Variants in TGFBR1 observed in about 807,000 individuals in gnomAD.
The protein encoded by TGFBR1 is transforming growth factor beta receptor 1.
TGFBR1 carries 20 observed loss-of-function variants against 55.1 expected under a neutral mutation model. The observed-to-expected ratio is 0.36, with a 90% CI of 0.26 to 0.53. TGFBR1 has a LOEUF of 0.53. Ranked by LOEUF, TGFBR1 falls within the 20% of genes least tolerant of loss-of-function variation. The probability of loss-of-function intolerance (pLI) is 0.91; values close to 1 mark genes in which losing one functional copy is unlikely to be tolerated. For missense variants in TGFBR1, 385 were observed against 617.6 expected, an observed-to-expected ratio of 0.62 and a Z score of 3.99; for synonymous variants, 220 against 214.8, an observed-to-expected ratio of 1.02 and a Z score of -0.21.
chr9:99,116,920 A>G (rs887561511), intron 1 of TGFBR1, among the ~76,000 whole-genome samples: 7 of 152,254 alleles, frequency 4.6e-5, no homozygotes, highest in African/African-American at 9.6e-5. Context: ...AGGGAGTCCA[A>G]AATTTAATGA....
chr9:99,133,793 G>A (rs11466464), intron 3 of TGFBR1, among the ~76,000 whole-genome samples: 1,907 of 152,120 alleles, frequency 0.013, 21 homozygotes, highest in Non-Finnish European at 0.018. Flanking sequence ...TTTGTAAAGC[G>A]TATATAATGA....
intron 1 of TGFBR1, among the ~76,000 whole-genome samples, chr9:99,109,612 C>A (rs576998058): frequency 1.3e-3 from 202 of 152,238 alleles, no homozygotes; most frequent in African/African-American, 4.6e-3. Context: ...CTATGGATGG[C>A]CCTTCTGATG....
Position 99,152,562 on chromosome 9 carries a change from A to G in TGFBR1, c.*3257A>G. 1 of 229,680 alleles carries G rather than the reference A, an allele frequency of 4.4e-6. No homozygotes were observed. Among genetic ancestry groups the G allele is most frequent in the Non-Finnish European group, 8.7e-6 (1 of 115,484 alleles). The allele number at this position is 229,680 out of a possible 1,614,324, so 14.2% of individuals were successfully genotyped here. A position where few individuals can be genotyped will look rare whatever the true frequency, so the allele number is the denominator to read the frequency against. On this transcript the variant is annotated 3_prime_UTR_variant, in exon 9 of 9. Coordinates refer to ENST00000374994, the MANE Select transcript of TGFBR1 (RefSeq NM_004612.4). ...TTACCTTTTTTCTCTATGTCTGAGAACTGTCAGATTAAAACAAGATGGCAA... is the reference window on the plus strand; with the variant it reads ...TTACCTTTTTTCTCTATGTCTGAGAGCTGTCAGATTAAAACAAGATGGCAA...
At chr9:99,136,324 AC>A (rs1471573466) in intron 3 of TGFBR1, among the ~76,000 whole-genome samples, 4 of 152,140 alleles carry the variant, frequency 2.6e-5, no homozygotes, top group Non-Finnish European at 4.4e-5. Flanking sequence ...CATACCATTT[AC>A]ACAAGTCCTG....
chr9:99,105,742 G>T (rs1317385621), intron 1 of TGFBR1, among the ~76,000 whole-genome samples: 2 of 152,174 alleles, frequency 1.3e-5, no homozygotes, highest in Admixed American at 6.5e-5. Context: ...GCCCCAAGAG[G>T]GTCCGTGCCA....
intron 4 of TGFBR1, among the ~76,000 whole-genome samples, chr9:99,139,731 T>TA (rs1344668277): frequency 3.9e-5 from 6 of 152,240 alleles, no homozygotes; most frequent in Non-Finnish European, 8.8e-5. Context: ...TGTCTCCTAT[T>TA]AAAAAAATTA....
At position 99,151,069 on chromosome 9, in the gene TGFBR1, T is replaced by C. The variant is rs969162131; in HGVS notation, c.*1764T>C. The C allele has an allele frequency of 4.4e-6, 1 of 228,378 alleles. No homozygotes were observed. The highest frequency in any genetic ancestry group is 8.7e-6 in the Non-Finnish European group (1 of 114,824). 14.1% of individuals were successfully genotyped at this position (228,378 alleles called of 1,614,324 possible). On this transcript the variant is annotated 3_prime_UTR_variant, in exon 9 of 9. Coordinates refer to ENST00000374994, the MANE Select transcript of TGFBR1 (RefSeq NM_004612.4). ...AGAGAAAGTGGCCATTTACACTGAA[T>C]GAGTTGCATTCTGATAATGTCTTAT...
chr9:99,145,413 G>T (rs890165236), intron 6 of TGFBR1, among the ~76,000 whole-genome samples: 3 of 152,172 alleles, frequency 2.0e-5, no homozygotes, highest in Admixed American at 6.5e-5. Context: ...GCCAGGGACT[G>T]TCATAGCACA....
Position 99,105,209 on chromosome 9 carries a change from G to A in TGFBR1, c.4G>A (p.Glu2Lys). ...CACAGGCGGTGGCGGCGGGACCATG[G>A]AGGCGGCGGTCGCTGCTCCGCGTCC... M[E>K]AAVAAPRPRL... Residue 2 changes from glutamate (E) to lysine (K), a missense_variant, in exon 1 of 9, where the codon GAG becomes AAG. Coordinates refer to ENST00000374994, the MANE Select transcript of TGFBR1 (RefSeq NM_004612.4). The A allele has an allele frequency of 9.2e-7, 1 of 1,083,416 alleles. No homozygotes were observed. Among genetic ancestry groups the A allele is most frequent in the Non-Finnish European group, 1.1e-6 (1 of 895,554 alleles). The allele number at this position is 1,083,416 out of a possible 1,614,324, so 67.1% of individuals were successfully genotyped here.
intron 1 of TGFBR1, among the ~76,000 whole-genome samples, chr9:99,124,583 T>TA (rs34658593): frequency 6.6e-6 from 1 of 152,086 alleles, no homozygotes; most frequent in Admixed American, 6.5e-5. Flanking sequence ...TTGAATTTTT[T>TA]AAAAAAATGG....
At chr9:99,119,480 A>G (rs2118426760) in intron 1 of TGFBR1, among the ~76,000 whole-genome samples, 1 of 152,330 alleles carries the variant, frequency 6.6e-6, no homozygotes, top group East Asian at 1.9e-4. Flanking sequence ...GGTGGAAATC[A>G]CTGTAGATTA....
chr9:99,139,402 C>A (rs1164522663), intron 4 of TGFBR1, among the ~76,000 whole-genome samples: 1 of 152,028 alleles, frequency 6.6e-6, no homozygotes, highest in Non-Finnish European at 1.5e-5. Flanking sequence ...CAAGCATGTA[C>A]TGCTTTTTTT....
rs1827372785 is a variant in TGFBR1 at position 99,134,805 on chromosome 9, TATA to T, written c.574+2067_574+2069del. ...CAATGGAATAATTCTGTTTCCATTA[TATA>T]TATATATATATATATATATATATAT... is the stretch of plus-strand genomic sequence containing the variant. On this transcript the variant is annotated intron_variant, in intron 3 of 8. Transcript: ENST00000374994. Among the ~76,000 whole-genome samples, 342 of 31,774 alleles carry T rather than the reference TATA, an allele frequency of 0.011. 40 individuals carry two copies. The East Asian group carries it at 0.11, about 10-fold the overall frequency. 20.8% of individuals were successfully genotyped at this position (31,774 alleles called of 152,430 possible).
chr9:99,129,674 C>T (rs1827157573), intron 2 of TGFBR1, among the ~76,000 whole-genome samples: 1 of 152,132 alleles, frequency 6.6e-6, no homozygotes, highest in South Asian at 2.1e-4. Context: ...CTGAGGTGGG[C>T]AGATCACTTG....
chr9:99,127,474 G>A (rs980365718), intron 1 of TGFBR1, among the ~76,000 whole-genome samples: 6 of 152,134 alleles, frequency 3.9e-5, no homozygotes, highest in African/African-American at 1.2e-4. Context: ...AAGGCCTCAG[G>A]CATACAGAAA....
chr9:99,149,063 C>T (rs1827892300), intron 8 of TGFBR1, 117 bp from the exon 9 acceptor site: 1 of 1,092,468 alleles, frequency 9.2e-7, no homozygotes, highest in Admixed American at 2.2e-5. Context: ...ACAAATAATG[C>T]TTAAACAATA....
Position 99,154,027 on chromosome 9 carries a change from G to A in TGFBR1, c.*4722G>A, listed in dbSNP as rs753375382. On this transcript the variant is annotated 3_prime_UTR_variant, in exon 9 of 9. Coordinates refer to ENST00000374994, the MANE Select transcript of TGFBR1 (RefSeq NM_004612.4). ...TCCCCAAACCCTTGATTGACTCTGG[G>A]GAGGGGCTTTGTGAATAGGATTGCT... 3 of 222,002 alleles carry A rather than the reference G, an allele frequency of 1.4e-5. No individual in the cohort carries two copies. The highest frequency in any genetic ancestry group is 1.1e-4 in the Admixed American group (2 of 17,422). 13.8% of individuals were successfully genotyped at this position (222,002 alleles called of 1,614,324 possible). A position where few individuals can be genotyped will look rare whatever the true frequency, so the allele number is the denominator to read the frequency against.
upstream of TGFBR1, among the ~76,000 whole-genome samples, chr9:99,103,708 T>C (rs1439510576): frequency 1.3e-5 from 2 of 152,036 alleles, no homozygotes; most frequent in Non-Finnish European, 2.9e-5. Context: ...TCTGAGCCTG[T>C]TGGAGGTTCA....
intron 8 of TGFBR1, 141 bp from the exon 9 acceptor site, chr9:99,149,038 TA>T: frequency 1.2e-6 from 1 of 866,876 alleles, no homozygotes; most frequent in South Asian, 1.7e-5. Context: ...ATGTAATTTC[TA>T]CTCATTTGCT....
Sources: gnomAD v4.1 joint callset for allele counts (sites outside exome capture counted in the v4.1 genomes callset) on GRCh38, gnomAD v4.1.1 for gene constraint, MANE v1.5 for transcripts, NCBI Gene and HGNC (gene_info 2026-07-23, HGNC 2026-07-21) for gene names.